DYRK1A: variants seen among roughly 807,000 people sequenced by gnomAD.
DYRK1A encodes the protein dual specificity tyrosine-phosphorylation-regulated kinase 1A.
A neutral mutation model predicts 79.7 loss-of-function variants in DYRK1A; 9 were observed. The observed-to-expected ratio is 0.11, with a 90% confidence interval of 0.07 to 0.20. The LOEUF is 0.20. Ranked by LOEUF, DYRK1A falls within the 10% of genes least tolerant of loss-of-function variation. The probability of loss-of-function intolerance (pLI) is 1.00; values close to 1 mark genes in which losing one functional copy is unlikely to be tolerated. For synonymous variants in DYRK1A, 349 were observed against 329.7 expected (o/e 1.06, Z -0.63); for missense variants, 622 against 956.0 (o/e 0.65, Z 4.61).
At chr21:37,436,342 C>A (rs1427773440) in intron 2 of DYRK1A, among the ~76,000 whole-genome samples, 1 of 152,178 alleles carries the variant, frequency 6.6e-6, no homozygotes, top group East Asian at 1.9e-4. Context: ...TCACAGTGAT[C>A]AAGGACTCCG....
rs1049761 is a variant in DYRK1A, at chr21:37,472,826, A to G, written c.153A>G (p.Gln51=). The G allele has an allele frequency of 1.9e-6, 3 of 1,608,968 alleles. No homozygotes were observed. The highest frequency in any genetic ancestry group is 2.6e-6 in the Non-Finnish European group (3 of 1,176,428). The part of the protein sequence containing the change: ...SDRRQPNISD[Q]QVSALSYSDQ... ...GTCGCCAGCCAAACATAAGTGACCAACAGGTTTCTGCCTTATCATATTCTG... is the reference window on the plus strand; with the variant it reads ...GTCGCCAGCCAAACATAAGTGACCAGCAGGTTTCTGCCTTATCATATTCTG... The change falls in exon 3 of 12, where the codon CAA becomes CAG. Residue 51 remains glutamine, a synonymous_variant. Coordinates refer to ENST00000647188, the MANE Select transcript of DYRK1A (RefSeq NM_001347721.2).
At chr21:37,432,503 C>G (rs2050803851) in intron 2 of DYRK1A, among the ~76,000 whole-genome samples, 1 of 152,126 alleles carries the variant, frequency 6.6e-6, no homozygotes, top group South Asian at 2.1e-4. Context: ...AAAAACTTGA[C>G]CAAGGTAGTC....
chr21:37,408,685 T>C (rs981998141), intron 1 of DYRK1A, among the ~76,000 whole-genome samples: 1 of 152,232 alleles, frequency 6.6e-6, no homozygotes, highest in African/African-American at 2.4e-5. Flanking sequence ...GTTCCACTCT[T>C]AGGTTGCAAG....
At chr21:37,442,608 A>T (rs376711169) in intron 2 of DYRK1A, among the ~76,000 whole-genome samples, 1 of 151,840 alleles carries the variant, frequency 6.6e-6, no homozygotes, top group South Asian at 2.1e-4. Flanking sequence ...CTTTTTTTAA[A>T]ATAGAGACAG....
At chr21:37,417,523 C>CTTTTTCTTTTTCTTTTTT (rs2050369920) in intron 1 of DYRK1A, among the ~76,000 whole-genome samples, 1 of 47,158 alleles carries the variant, frequency 2.1e-5, no homozygotes, top group South Asian at 6.2e-4. Context: ...TTTTCTTTTT[C>CTTTTTCTTTTTCTTTTTT]TTTTTCTTTT....
At chr21:37,369,685 A>T (rs1242358391) in intron 1 of DYRK1A, among the ~76,000 whole-genome samples, 5 of 152,178 alleles carry the variant, frequency 3.3e-5, no homozygotes, top group African/African-American at 9.7e-5. Context: ...ATGAAGGCAC[A>T]CTCCTTTTTA....
At chr21:37,494,431 C>T (rs535091657) in intron 8 of DYRK1A, among the ~76,000 whole-genome samples, 8 of 152,104 alleles carry the variant, frequency 5.3e-5, no homozygotes, top group South Asian at 2.1e-4. Context: ...TCCTTCTCCC[C>T]TCACTCTGTG....
chr21:37,389,946 CAG>C (rs1374869861), intron 1 of DYRK1A, among the ~76,000 whole-genome samples: 2 of 146,262 alleles, frequency 1.4e-5, no homozygotes, highest in African/African-American at 5.1e-5. Flanking sequence ...TTTTTAGAGA[CAG>C]GGTGTTGCTC....
At chr21:37,393,464 AAT>A (rs1259732434) in intron 1 of DYRK1A, among the ~76,000 whole-genome samples, 1 of 152,184 alleles carries the variant, frequency 6.6e-6, no homozygotes, top group Admixed American at 6.5e-5. Flanking sequence ...CCCAACCACC[AAT>A]AGTAACCATC....
intron 7 of DYRK1A, 142 bp from the exon 8 acceptor site, chr21:37,492,875 G>A: frequency 1.7e-6 from 1 of 601,296 alleles, no homozygotes; most frequent in Non-Finnish European, 2.8e-6. Flanking sequence ...CGTATTCGTA[G>A]TCTAATGTTG....
At chr21:37,394,988 G>A (rs926942288) in intron 1 of DYRK1A, among the ~76,000 whole-genome samples, 62 of 152,302 alleles carry the variant, frequency 4.1e-4, no homozygotes, top group African/African-American at 1.4e-3. Flanking sequence ...TTGTACAGGT[G>A]GAAGAAGAGA....
At chr21:37,437,094 C>T (rs575474608) in intron 2 of DYRK1A, among the ~76,000 whole-genome samples, 3 of 152,156 alleles carry the variant, frequency 2.0e-5, no homozygotes, top group South Asian at 2.1e-4. Flanking sequence ...GGGGCCTGTT[C>T]GAAAATTGCA....
chr21:37,446,817 G>A (rs993510786), intron 2 of DYRK1A, among the ~76,000 whole-genome samples: 9 of 152,134 alleles, frequency 5.9e-5, no homozygotes, highest in Admixed American at 3.9e-4. Context: ...CCTTAGGTAC[G>A]CAAGAGATCT....
intron 1 of DYRK1A, among the ~76,000 whole-genome samples, chr21:37,384,344 A>AT (rs1243479065): frequency 6.6e-6 from 1 of 152,132 alleles, no homozygotes; most frequent in Non-Finnish European, 1.5e-5. Context: ...AGCAGAAAAA[A>AT]TCTCAGAGTT....
chr21:37,525,858 G>A lies in DYRK1A; in HGVS notation c.*13327G>A. 1 of 152,074 alleles carries A rather than the reference G, an allele frequency of 6.6e-6. No individual in the cohort carries two copies. Among genetic ancestry groups the A allele is most frequent in the East Asian group, 1.9e-4 (1 of 5,196 alleles). The allele number at this position is 152,074 out of a possible 1,614,324, so 9.4% of individuals were successfully genotyped here. A position where few individuals can be genotyped will look rare whatever the true frequency, so the allele number is the denominator to read the frequency against. On this transcript the variant is annotated 3_prime_UTR_variant, in exon 12 of 12. Transcript: ENST00000647188. Reference sequence around the variant, plus strand: ...AAGTTTCATTTAAGTTTTGAGCTCAGGACAAAGATTGAAATTTTTCTGAAT... The same window carrying A: ...AAGTTTCATTTAAGTTTTGAGCTCAAGACAAAGATTGAAATTTTTCTGAAT...
intron 2 of DYRK1A, among the ~76,000 whole-genome samples, chr21:37,431,666 AG>A (rs1483527005): frequency 6.6e-6 from 1 of 152,224 alleles, no homozygotes; most frequent in Non-Finnish European, 1.5e-5. Context: ...GGTTCTTGAA[AG>A]GGAAGTTTTC....
intron 7 of DYRK1A, among the ~76,000 whole-genome samples, chr21:37,492,715 T>C (rs1423297776): frequency 6.6e-6 from 1 of 152,094 alleles, no homozygotes; most frequent in Non-Finnish European, 1.5e-5. Context: ...CTTTCAATAG[T>C]GTTTTTTTTT....
rs181419415 is a variant in DYRK1A at position 37,409,359 on chromosome 21, C to T, written c.-76-10940C>T. ...GAGTTCACCTGGGGCAGGCTGGCTC[C>T]GGAGCATCACTGGTGCCTTAGGGCC... On this transcript the variant is annotated intron_variant, in intron 1 of 11. Coordinates refer to ENST00000647188, the MANE Select transcript of DYRK1A (RefSeq NM_001347721.2). Among the ~76,000 whole-genome samples, 134 of 152,224 alleles carry T rather than the reference C, an allele frequency of 8.8e-4. 1 individual carries two copies. Among genetic ancestry groups the T allele is most frequent in the South Asian group, 4.6e-3 (22 of 4,832 alleles).
intron 1 of DYRK1A, among the ~76,000 whole-genome samples, chr21:37,389,813 A>T (rs1259850225): frequency 1.3e-5 from 2 of 151,932 alleles, no homozygotes; most frequent in South Asian, 4.1e-4. Flanking sequence ...GGGGTTGTGA[A>T]TCCCATGCTG....
Sources: gnomAD v4.1 joint callset for allele counts (sites outside exome capture counted in the v4.1 genomes callset) on GRCh38, gnomAD v4.1.1 for gene constraint, MANE v1.5 for transcripts, NCBI Gene and HGNC (gene_info 2026-07-23, HGNC 2026-07-21) for gene names.